Variants in PCGF6 observed in about 807,000 individuals in gnomAD.
The protein encoded by PCGF6 is polycomb group ring finger 6, also known as polycomb group RING finger protein 6.
In PCGF6, 24 loss-of-function variants were observed where a neutral mutation model predicts 45.5. The ratio of observed to expected loss-of-function variants is 0.53; its 90% CI spans 0.38 to 0.74. PCGF6 has a LOEUF of 0.74. PCGF6 is among the 30% of genes least tolerant of loss of function. The pLI is 0.00. For synonymous variants in PCGF6, 152 were observed against 162.1 expected (o/e 0.94, Z 0.47); for missense variants, 356 against 443.2 (o/e 0.80, Z 1.77).
chr10:103,347,452 T>C lies in PCGF6; in HGVS notation c.558-2A>G, dbSNP rs2093303633. ...ATGTCTTGTAACTGTCGGTCCAACC[T>C]AATAAAAGGAAAGGATGGAGAATAC... is the stretch of plus-strand genomic sequence containing the variant. On this transcript the variant is annotated splice_acceptor_variant, in intron 3 of 9. Transcript: ENST00000369847. LOFTEE classifies it high-confidence loss of function. The C allele has an allele frequency of 6.2e-7, 1 of 1,601,308 alleles. No homozygotes were observed. Among genetic ancestry groups the C allele is most frequent in the Admixed American group, 1.7e-5 (1 of 59,492 alleles).
At chr10:103,344,732 T>A (rs2133597509) in intron 6 of PCGF6, among the ~76,000 whole-genome samples, 1 of 151,952 alleles carries the variant, frequency 6.6e-6, no homozygotes, top group East Asian at 1.9e-4. Flanking sequence ...CCAGCTAATT[T>A]TTTTTTTTTG....
chr10:103,333,765 T>C (rs1440898587), intron 7 of PCGF6, among the ~76,000 whole-genome samples, 160 bp downstream of exon 7: 1 of 152,140 alleles, frequency 6.6e-6, no homozygotes, highest in East Asian at 1.9e-4. Context: ...AATGAACAAA[T>C]CCCTACTTAA....
At position 103,303,323 on chromosome 10, in the gene PCGF6, C is replaced by T. The variant is rs2133548495; in HGVS notation, c.*582G>A. ...ATCATAAACTCAGAGTCTCTTCACA[C>T]ATAATAACAATTCATCCATTTTGAA... On this transcript the variant is annotated 3_prime_UTR_variant, in exon 10 of 10. Coordinates refer to ENST00000369847, the MANE Select transcript of PCGF6 (RefSeq NM_001011663.2). 1 of 152,432 alleles carries T rather than the reference C, an allele frequency of 6.6e-6. No individual in the cohort carries two copies. The highest frequency in any genetic ancestry group is 1.5e-5 in the Non-Finnish European group (1 of 68,092). The allele number at this position is 152,432 out of a possible 1,614,324, so 9.4% of individuals were successfully genotyped here.
chr10:103,346,078 C>A lies in PCGF6; in HGVS notation c.674-946G>T, dbSNP rs1454651805. On this transcript the variant is annotated intron_variant, in intron 5 of 9. Coordinates refer to ENST00000369847, the MANE Select transcript of PCGF6 (RefSeq NM_001011663.2). Reference sequence around the variant, plus strand: ...GGGTGTGGTGGCACATGCCTGTAATCCCAGCTACTCAGGAGGCCAAGGCAG... The same window carrying A: ...GGGTGTGGTGGCACATGCCTGTAATACCAGCTACTCAGGAGGCCAAGGCAG... Among the ~76,000 whole-genome samples the A allele has an allele frequency of 3.3e-5, 5 of 151,026 alleles. No homozygotes were observed. In the Admixed American group the frequency reaches 3.3e-4, roughly 10 times the overall value.
At chr10:103,350,600 C>T (rs1465988544) in intron 1 of PCGF6, 107 bp downstream of exon 1, 4 of 1,186,036 alleles carry the variant, frequency 3.4e-6, no homozygotes, top group African/African-American at 1.6e-5. Context: ...TCCAGTGCTC[C>T]GCGCGGCGGC....
intron 9 of PCGF6, among the ~76,000 whole-genome samples, chr10:103,306,262 T>C (rs2093138118): frequency 6.6e-6 from 1 of 152,066 alleles, no homozygotes; most frequent in African/African-American, 2.4e-5. Flanking sequence ...CACCCACCGC[T>C]AATTTTTGTA....
At position 103,326,553 on chromosome 10, in the gene PCGF6, C is replaced by T. The variant is rs1051280272; in HGVS notation, c.890G>A (p.Gly297Asp). 62 of 1,611,464 alleles carry T rather than the reference C, an allele frequency of 3.8e-5. No individual in the cohort carries two copies. Among genetic ancestry groups the T allele is most frequent in the Non-Finnish European group, 5.0e-5 (59 of 1,179,438 alleles). ...CTGTACCTGACAAGCTGGATCAAGA[C>T]CCATTTTTCTTCTGAGGAATTTTTC... ...HVEKFLRRKM[G>D]LDPACQVDII... Residue 297 changes from glycine (G) to aspartate (D), a missense_variant, in exon 8 of 10, where the codon GGT becomes GAT. Physicochemically the swap from Gly to Asp is moderately conservative, Grantham distance 94. Transcript: ENST00000369847.
chr10:103,306,531 T>C (rs1210519609), intron 9 of PCGF6, among the ~76,000 whole-genome samples: 1 of 152,218 alleles, frequency 6.6e-6, no homozygotes, highest in African/African-American at 2.4e-5. Context: ...TCATATATCC[T>C]GTATTTCCAG....
At position 103,332,372 on chromosome 10, in the gene PCGF6, T is replaced by A. The variant is rs1213293062; in HGVS notation, c.810+1553A>T. Among the ~76,000 whole-genome samples, 2 of 152,168 alleles carry A rather than the reference T, an allele frequency of 1.3e-5. 1 individual carries two copies. The highest frequency in any genetic ancestry group is 2.9e-5 in the Non-Finnish European group (2 of 68,032). ...ACAGCTCACTGCAGCCTCAATCTCC[T>A]AGGCTCACGTGATCCTGCCACCTTA... On this transcript the variant is annotated intron_variant, in intron 7 of 9. Transcript: ENST00000369847.
chr10:103,350,845 T>TCTGAAGCGGCCC lies in PCGF6; in HGVS notation c.210_221dup (p.Arg74_Phe77dup). 1 of 1,544,686 alleles carries TCTGAAGCGGCCC rather than the reference T, an allele frequency of 6.5e-7. No individual in the cohort carries two copies. The stretch of plus-strand genomic sequence containing the variant: ...CCTCGTCCTCGTCCTCGAAGCGGCC[T>TCTGAAGCGGCCC]CTGAAGCGGCCCAGGCTGCGCTCCG... On this transcript the variant is annotated inframe_insertion, in exon 1 of 10. Coordinates refer to ENST00000369847, the MANE Select transcript of PCGF6 (RefSeq NM_001011663.2).
At chr10:103,348,841 T>A (rs751139730) in intron 2 of PCGF6, 29 bp from the exon 3 acceptor site, 1 of 1,605,228 alleles carries the variant, frequency 6.2e-7, no homozygotes, top group Admixed American at 1.7e-5. Context: ...GAAGTCAGGA[T>A]GCTTTCAAGA....
At chr10:103,343,359 T>A (rs1405230464) in intron 6 of PCGF6, among the ~76,000 whole-genome samples, 2 of 151,784 alleles carry the variant, frequency 1.3e-5, no homozygotes, top group Admixed American at 6.6e-5. Context: ...AGTAAAATAG[T>A]CATCAGTGAT....
intron 6 of PCGF6, among the ~76,000 whole-genome samples, chr10:103,334,793 T>C (rs931428963): frequency 1.3e-5 from 2 of 152,200 alleles, no homozygotes; most frequent in African/African-American, 4.8e-5. Context: ...AGGCATTGAA[T>C]TAGGTATTCA....
In PCGF6 at chr10:103,334,729, A is replaced by G. The variant is rs987415979; in HGVS notation, c.783-777T>C. Among the ~76,000 whole-genome samples the G allele has an allele frequency of 3.3e-5, 5 of 152,186 alleles. No individual in the cohort carries two copies. In the East Asian group the frequency reaches 5.8e-4, roughly 18 times the overall value. The stretch of plus-strand genomic sequence containing the variant: ...TTCTTGGTTAAATCAATTACTTTTA[A>G]GCCATGAGGGAGACAAGGGTATCTA... On this transcript the variant is annotated intron_variant, in intron 6 of 9. Coordinates refer to ENST00000369847, the MANE Select transcript of PCGF6 (RefSeq NM_001011663.2).
intron 7 of PCGF6, among the ~76,000 whole-genome samples, chr10:103,328,966 C>T (rs1019060608): frequency 6.6e-6 from 1 of 151,694 alleles, no homozygotes; most frequent in African/African-American, 2.4e-5. Context: ...AGGATGGTCT[C>T]GATCTCCTGA....
intron 6 of PCGF6, among the ~76,000 whole-genome samples, chr10:103,340,180 G>GA (rs58312332): frequency 7.1e-4 from 51 of 72,206 alleles, no homozygotes; most frequent in East Asian, 1.8e-3. Flanking sequence ...CTGTCTCAGG[G>GA]AAAAAAAAAA....
intron 9 of PCGF6, among the ~76,000 whole-genome samples, chr10:103,307,429 C>A (rs1349228953): frequency 6.6e-6 from 1 of 151,960 alleles, no homozygotes. Context: ...ACGACAAGAC[C>A]ACACAGCAAG....
chr10:103,341,534 G>C (rs2093280869), intron 6 of PCGF6, among the ~76,000 whole-genome samples: 1 of 151,582 alleles, frequency 6.6e-6, no homozygotes, highest in African/African-American at 2.4e-5. Context: ...CCGCCTCTCG[G>C]ATTCAAGTGA....
intron 9 of PCGF6, among the ~76,000 whole-genome samples, chr10:103,311,646 G>C (rs1243296680): frequency 6.6e-6 from 1 of 151,632 alleles, no homozygotes; most frequent in East Asian, 1.9e-4. Flanking sequence ...TTTACCATAT[G>C]TTTTCTATAC....
Sources: allele counts gnomAD v4.1 joint callset (sites outside exome capture counted in the v4.1 genomes callset), GRCh38; gene constraint gnomAD v4.1.1; transcripts MANE v1.5; gene names NCBI Gene and HGNC (gene_info 2026-07-23, HGNC 2026-07-21).